ASCC1: variants seen among roughly 807,000 people sequenced by gnomAD.
The protein encoded by ASCC1 is ASC-1 complex subunit P50.
ASCC1 carries 35 observed loss-of-function variants against 46.6 expected under a neutral mutation model. That is an observed-to-expected ratio of 0.75 (90% CI 0.57 to 0.99). The LOEUF (loss-of-function observed/expected upper bound fraction) is 0.99, where lower values mean the gene tolerates loss of function less well. Ranked by LOEUF, ASCC1 falls within the 50% of genes least tolerant of loss-of-function variation. ASCC1 has a pLI of 0.00. For synonymous variants in ASCC1, 143 were observed against 146.6 expected (o/e 0.98, Z 0.18); for missense variants, 376 against 428.7 (o/e 0.88, Z 1.09).
At chr10:72,138,802 G>A (rs1428642615) in intron 7 of ASCC1, among the ~76,000 whole-genome samples, 1 of 152,062 alleles carries the variant, frequency 6.6e-6, no homozygotes, top group African/African-American at 2.4e-5. Context: ...CTGACCTCAG[G>A]TGATCTGCTG....
At chr10:72,146,267 G>C (rs1847614694) in intron 7 of ASCC1, among the ~76,000 whole-genome samples, 1 of 152,160 alleles carries the variant, frequency 6.6e-6, no homozygotes, top group Non-Finnish European at 1.5e-5. Flanking sequence ...CTACTGCCCT[G>C]CATATCCTAG....
intron 4 of ASCC1, chr10:72,198,813 A>ATTAT: frequency 2.5e-6 from 1 of 393,662 alleles, no homozygotes; most frequent in South Asian, 1.9e-5. Context: ...AAGATCAATA[A>ATTAT]GCCAGTTTAT....
At chr10:72,164,593 T>C (rs1850111828) in intron 5 of ASCC1, among the ~76,000 whole-genome samples, 2 of 152,256 alleles carry the variant, frequency 1.3e-5, no homozygotes, top group Admixed American at 1.3e-4. Context: ...GCTATAAACA[T>C]TTGTGTACAA....
intron 9 of ASCC1, among the ~76,000 whole-genome samples, chr10:72,118,032 G>A (rs777699011): frequency 6.6e-6 from 1 of 152,140 alleles, no homozygotes; most frequent in African/African-American, 2.4e-5. Flanking sequence ...TGAGAAATTT[G>A]AGTTTTGAGA....
In ASCC1 at chr10:72,195,559, A is replaced by AT. The variant is rs748108068; in HGVS notation, c.489+1251dup. ...TACAAGCTAAATTTTATTTTATTTTATTTATTTTTTTTTTGAGATGGATTT... is the reference window on the plus strand; with the variant it reads ...TACAAGCTAAATTTTATTTTATTTTATTTTATTTTTTTTTTGAGATGGATTT... On this transcript the variant is annotated intron_variant, in intron 5 of 9. Coordinates refer to ENST00000672957, the MANE Select transcript of ASCC1 (RefSeq NM_001198800.3). Among the ~76,000 whole-genome samples the AT allele has an allele frequency of 4.1e-3, 599 of 146,842 alleles. 7 individuals carry two copies. The highest frequency in any genetic ancestry group is 0.013 in the African/African-American group (500 of 38,620).
intron 5 of ASCC1, among the ~76,000 whole-genome samples, chr10:72,169,218 G>C (rs1850749242): frequency 6.6e-6 from 1 of 152,188 alleles, no homozygotes; most frequent in African/African-American, 2.4e-5. Context: ...GGGAGGTCAA[G>C]GTGGGCAGAT....
At chr10:72,123,520 C>A (rs777499097) in intron 9 of ASCC1, among the ~76,000 whole-genome samples, 4 of 151,920 alleles carry the variant, frequency 2.6e-5, no homozygotes, top group African/African-American at 9.7e-5. Context: ...GGAGGCTGTG[C>A]GTGTGCAGGG....
rs1279288404 is a variant in ASCC1 at position 72,176,858 on chromosome 10, A to G, written c.490-15184T>C. ...TCTGCGCAGAATGCTCCCTGCCCCC[A>G]TTTGCCAGCCTGGCACAAACTCCTG... is the stretch of plus-strand genomic sequence containing the variant. On this transcript the variant is annotated intron_variant, in intron 5 of 9. Coordinates refer to ENST00000672957, the MANE Select transcript of ASCC1 (RefSeq NM_001198800.3). 1.2e-4 allele frequency among the ~76,000 whole-genome samples: 18 copies of G among 151,760 alleles called. No individual in the cohort carries two copies. The East Asian group carries it at 2.1e-3, about 18-fold the overall frequency.
At chr10:72,119,035 A>T (rs1263525609) in intron 9 of ASCC1, among the ~76,000 whole-genome samples, 3 of 152,182 alleles carry the variant, frequency 2.0e-5, no homozygotes, top group Admixed American at 2.0e-4. Context: ...GGAGACACAC[A>T]CAGGTGGATA....
chr10:72,214,798 G>C (rs1015175714), intron 1 of ASCC1, among the ~76,000 whole-genome samples: 3 of 151,504 alleles, frequency 2.0e-5, no homozygotes, highest in South Asian at 2.1e-4. Context: ...CAAACAATCA[G>C]TTCCAGTTGT....
chr10:72,145,565 TTTTTC>T (rs535079951), intron 7 of ASCC1, among the ~76,000 whole-genome samples: 15 of 152,208 alleles, frequency 9.9e-5, no homozygotes, highest in Admixed American at 5.2e-4. Flanking sequence ...TCCTTGAGGC[TTTTTC>T]TTTTAAGTTT....
chr10:72,106,549 T>C (rs893045626), intron 9 of ASCC1, among the ~76,000 whole-genome samples: 13 of 152,208 alleles, frequency 8.5e-5, no homozygotes, highest in Non-Finnish European at 1.6e-4. Context: ...GTAGTAACAC[T>C]ATTTTGTACT....
intron 9 of ASCC1, among the ~76,000 whole-genome samples, chr10:72,113,470 T>G (rs1843146536): frequency 6.6e-6 from 1 of 152,258 alleles, no homozygotes; most frequent in South Asian, 2.1e-4. Flanking sequence ...AGTTCCATGT[T>G]AACAATGGTT....
intron 5 of ASCC1, among the ~76,000 whole-genome samples, chr10:72,195,702 C>G (rs948550313): frequency 3.3e-5 from 5 of 151,678 alleles, no homozygotes; most frequent in African/African-American, 1.2e-4. Context: ...GGTATGGTGG[C>G]GCATGCCTGT....
intron 1 of ASCC1, among the ~76,000 whole-genome samples, chr10:72,215,204 GC>G (rs1858967372): frequency 6.6e-6 from 1 of 152,164 alleles, no homozygotes; most frequent in Non-Finnish European, 1.5e-5. Context: ...TTCGAGACCA[GC>G]CAGGCCAACA....
At chr10:72,156,787 A>G (rs78064951) in intron 6 of ASCC1, among the ~76,000 whole-genome samples, 7,578 of 148,584 alleles carry the variant, frequency 0.051, 665 homozygotes, top group African/African-American at 0.18. Flanking sequence ...AAAAAAAAAG[A>G]AAAAAAAAAG....
intron 5 of ASCC1, among the ~76,000 whole-genome samples, chr10:72,196,279 C>CTTT (rs573100323): frequency 8.1e-5 from 11 of 136,388 alleles, no homozygotes; most frequent in African/African-American, 2.2e-4. Flanking sequence ...TGTCTTAAAT[C>CTTT]TTTTTTTTTT....
At chr10:72,210,494 G>C (rs1857921279) in intron 3 of ASCC1, among the ~76,000 whole-genome samples, 1 of 152,116 alleles carries the variant, frequency 6.6e-6, no homozygotes, top group Non-Finnish European at 1.5e-5. Flanking sequence ...CCCAGCCTCA[G>C]GTATTTCTTT....
intron 4 of ASCC1, 33 bp downstream of exon 4, chr10:72,203,394 C>T (rs1402384348): frequency 6.7e-7 from 1 of 1,490,056 alleles, no homozygotes; most frequent in Non-Finnish European, 9.4e-7. Context: ...GCAAAAGTGA[C>T]TTCAAATGTA....
Sources: allele counts gnomAD v4.1 joint callset (sites outside exome capture counted in the v4.1 genomes callset), GRCh38; gene constraint gnomAD v4.1.1; transcripts MANE v1.5; gene names NCBI Gene and HGNC (gene_info 2026-07-23, HGNC 2026-07-21).